VRK2: variants seen among roughly 807,000 people sequenced by gnomAD.
The protein encoded by VRK2 is VRK serine/threonine kinase 2, also known as serine/threonine-protein kinase VRK2.
In VRK2, 60 loss-of-function variants were observed where a neutral mutation model predicts 57.6. That is an observed-to-expected ratio of 1.04 (90% CI 0.85 to 1.29). VRK2 has a LOEUF of 1.29. Among genes scored for constraint, VRK2 ranks in the 50% most tolerant of loss-of-function variants. VRK2 has a pLI of 0.00. For missense variants in VRK2, 705 were observed against 588.1 expected (o/e 1.20, Z -2.06); for synonymous variants, 231 against 199.2 (o/e 1.16, Z -1.35).
intron 1 of VRK2, among the ~76,000 whole-genome samples, chr2:57,973,780 A>G (rs552451986): frequency 2.4e-3 from 358 of 150,912 alleles, no homozygotes; most frequent in Non-Finnish European, 4.1e-3. Flanking sequence ...TTCTTGAAAG[A>G]TATATATATA....
At chr2:58,077,418 C>T (rs1487197050) in intron 2 of VRK2, among the ~76,000 whole-genome samples, 1 of 151,938 alleles carries the variant, frequency 6.6e-6, no homozygotes, top group Non-Finnish European at 1.5e-5. Flanking sequence ...CTGAAGAATT[C>T]CTGCCCCCTA....
intron 12 of VRK2, chr2:58,154,658 T>C: frequency 1.4e-6 from 1 of 707,302 alleles, no homozygotes; most frequent in East Asian, 2.7e-5. Context: ...CTTTGACCCA[T>C]TTAAAGGGGT....
chr2:58,046,911 C>T (rs916532266), intron 1 of VRK2, 43 bp downstream of exon 1: 6 of 985,524 alleles, frequency 6.1e-6, no homozygotes, highest in Non-Finnish European at 7.2e-6. Flanking sequence ...GGCGGCACCT[C>T]CGCTTGCAGT....
At chr2:57,970,908 T>C (rs1469742463) in intron 1 of VRK2, among the ~76,000 whole-genome samples, 1 of 151,848 alleles carries the variant, frequency 6.6e-6, no homozygotes, top group Non-Finnish European at 1.5e-5. Flanking sequence ...ATTGATAGGA[T>C]TTTTTTTCCT....
At chr2:57,987,299 T>C (rs954758622) in intron 1 of VRK2, among the ~76,000 whole-genome samples, 2 of 151,950 alleles carry the variant, frequency 1.3e-5, no homozygotes, top group Non-Finnish European at 2.9e-5. Flanking sequence ...TAAACAACTC[T>C]CAAAACTCAG....
chr2:58,116,101 C>T (rs1233950433), intron 7 of VRK2, among the ~76,000 whole-genome samples: 1 of 152,074 alleles, frequency 6.6e-6, no homozygotes, highest in Non-Finnish European at 1.5e-5. Context: ...TTTAGAAGCC[C>T]ATGCTGTAGC....
chr2:58,106,375 C>G (rs1351610725), intron 7 of VRK2, among the ~76,000 whole-genome samples: 4 of 152,028 alleles, frequency 2.6e-5, no homozygotes, highest in Non-Finnish European at 4.4e-5. Context: ...TGATGTTTTG[C>G]TAAAAGAACC....
intron 12 of VRK2, among the ~76,000 whole-genome samples, chr2:58,146,684 G>A (rs1573394825): frequency 6.6e-6 from 1 of 151,912 alleles, no homozygotes; most frequent in Non-Finnish European, 1.5e-5. Flanking sequence ...GCACATTTGC[G>A]TACAGATCTG....
chr2:58,157,262 A>AT (rs1453380331), intron 12 of VRK2, among the ~76,000 whole-genome samples: 4 of 152,106 alleles, frequency 2.6e-5, no homozygotes, highest in Admixed American at 2.0e-4. Flanking sequence ...GCTATTTTTC[A>AT]TAGCTTCCCA....
At chr2:58,133,603 T>C (rs1679535579) in intron 9 of VRK2, among the ~76,000 whole-genome samples, 1 of 152,236 alleles carries the variant, frequency 6.6e-6, no homozygotes, top group African/African-American at 2.4e-5. Context: ...GTATTGTTGC[T>C]ACTCTGCCTA....
chr2:58,148,434 C>G (rs1473000558), intron 12 of VRK2, among the ~76,000 whole-genome samples: 2 of 151,832 alleles, frequency 1.3e-5, no homozygotes, highest in Non-Finnish European at 2.9e-5. Context: ...ATATCCTCTC[C>G]TAGCATGCGG....
intron 1 of VRK2, chr2:58,025,532 T>C (rs1169910273): frequency 1.3e-5 from 2 of 152,188 alleles, no homozygotes; most frequent in African/African-American, 4.8e-5. Flanking sequence ...AAGTTAAATG[T>C]CTTTTATCTA....
intron 1 of VRK2, among the ~76,000 whole-genome samples, chr2:57,908,638 T>C (rs1157533718): frequency 6.6e-6 from 1 of 152,206 alleles, no homozygotes; most frequent in African/African-American, 2.4e-5. Flanking sequence ...CATATTTTAC[T>C]AATTACTAAG....
At chr2:58,049,329 A>G (rs547939290) in intron 2 of VRK2, among the ~76,000 whole-genome samples, 3 of 152,066 alleles carry the variant, frequency 2.0e-5, no homozygotes, top group Non-Finnish European at 4.4e-5. Flanking sequence ...TGTGAATCTT[A>G]ATCAATATTT....
chr2:58,011,825 C>A lies in VRK2; in HGVS notation c.-438-13840C>A, dbSNP rs576396192. ...ATGCTATTATCTGAACTAAATATCA[C>A]TCTGTGAAAAACAGTATCTGGGTCT... is the stretch of plus-strand genomic sequence containing the variant. On this transcript the variant is annotated intron_variant, in intron 1 of 15. Transcript: ENST00000417641. Among the ~76,000 whole-genome samples the A allele has an allele frequency of 3.9e-5, 6 of 152,256 alleles. No individual in the cohort carries two copies. In the East Asian group the frequency reaches 1.2e-3, roughly 29 times the overall value.
chr2:58,042,991 T>A (rs1242619144), upstream of VRK2, among the ~76,000 whole-genome samples: 3 of 152,192 alleles, frequency 2.0e-5, no homozygotes, highest in Non-Finnish European at 4.4e-5. Context: ...AATCATAAAA[T>A]TCTGCATTAA....
chr2:58,054,656 C>T lies in VRK2; in HGVS notation c.136+5689C>T, dbSNP rs111578278. 3.9e-3 allele frequency among the ~76,000 whole-genome samples: 596 copies of T among 152,160 alleles called. 1 individual carries two copies. Among genetic ancestry groups the T allele is most frequent in the Non-Finnish European group, 6.7e-3 (455 of 67,984 alleles). Reference sequence around the variant, plus strand: ...GATAAATGAGAAGAAAATTAAGAAACTTTAAAGCTCTAAATGAGAGAGCTC... The same window carrying T: ...GATAAATGAGAAGAAAATTAAGAAATTTTAAAGCTCTAAATGAGAGAGCTC... On this transcript the variant is annotated intron_variant, in intron 2 of 12. Coordinates refer to ENST00000340157, the MANE Select transcript of VRK2 (RefSeq NM_006296.7).
chr2:57,934,093 T>C (rs1470689312), intron 1 of VRK2, among the ~76,000 whole-genome samples: 1 of 152,226 alleles, frequency 6.6e-6, no homozygotes, highest in Non-Finnish European at 1.5e-5. Context: ...ATCATGTATC[T>C]GTTAACAAAT....
intron 2 of VRK2, among the ~76,000 whole-genome samples, chr2:58,060,693 C>G (rs1431377751): frequency 6.6e-6 from 1 of 151,740 alleles, no homozygotes; most frequent in Non-Finnish European, 1.5e-5. Flanking sequence ...TTATTTACAG[C>G]CTAATTTCAG....
Sources: allele counts gnomAD v4.1 joint callset (sites outside exome capture counted in the v4.1 genomes callset), GRCh38; gene constraint gnomAD v4.1.1; transcripts MANE v1.5; gene names NCBI Gene and HGNC (gene_info 2026-07-23, HGNC 2026-07-21).